The following ADAMTS3 variants were observed in gnomAD, a reference collection of about 807,000 sequenced individuals.
ADAMTS3 encodes the protein ADAM metallopeptidase with thrombospondin type 1 motif 3.
Under a neutral mutation model 129.0 loss-of-function variants are expected in ADAMTS3, and 73 were observed. The observed-to-expected ratio is 0.57, with a 90% CI of 0.47 to 0.69. The LOEUF (loss-of-function observed/expected upper bound fraction) is 0.69, where lower values mean the gene tolerates loss of function less well. ADAMTS3 is among the 30% of genes least tolerant of loss of function. The pLI, the probability that ADAMTS3 is intolerant of heterozygous loss-of-function variation, is 0.00. For missense variants in ADAMTS3, 1,457 were observed against 1,514.5 expected (o/e 0.96, Z 0.63); for synonymous variants, 477 against 510.8 (o/e 0.93, Z 0.89).
intron 10 of ADAMTS3, among the ~76,000 whole-genome samples, chr4:72,317,888 C>T (rs1014974381): frequency 1.2e-4 from 18 of 151,670 alleles, no homozygotes; most frequent in Non-Finnish European, 2.1e-4. Context: ...AATTAGCTGG[C>T]GGTGGTGGTG....
intron 3 of ADAMTS3, among the ~76,000 whole-genome samples, chr4:72,542,358 G>T (rs1721355248): frequency 6.6e-6 from 1 of 151,974 alleles, no homozygotes; most frequent in Non-Finnish European, 1.5e-5. Context: ...TAGAGATAGG[G>T]TTTCACCACG....
intron 4 of ADAMTS3, among the ~76,000 whole-genome samples, chr4:72,354,068 G>A (rs895233945): frequency 1.3e-5 from 2 of 151,950 alleles, no homozygotes; most frequent in Non-Finnish European, 2.9e-5. Context: ...TGGATAAGAC[G>A]GGATAAGAGT....
chr4:72,410,824 C>T (rs1383994941), intron 4 of ADAMTS3, among the ~76,000 whole-genome samples: 2 of 151,954 alleles, frequency 1.3e-5, no homozygotes, highest in Non-Finnish European at 2.9e-5. Flanking sequence ...CATTTCCATG[C>T]CCCTAAATCT....
At chr4:72,526,743 T>C (rs1377700907) in intron 3 of ADAMTS3, among the ~76,000 whole-genome samples, 204 of 19,464 alleles carry the variant, frequency 0.01, 2 homozygotes, top group African/African-American at 0.024. Flanking sequence ...CATATATATA[T>C]ATATATATAT....
intron 11 of ADAMTS3, among the ~76,000 whole-genome samples, chr4:72,314,786 A>G (rs933755281): frequency 6.6e-6 from 1 of 152,234 alleles, no homozygotes; most frequent in Non-Finnish European, 1.5e-5. Context: ...ACACTTAAAA[A>G]GACAGGTTTT....
Position 72,440,391 on chromosome 4 carries a change from T to C in ADAMTS3, c.505-25420A>G, listed in dbSNP as rs1021005612. On this transcript the variant is annotated intron_variant, in intron 3 of 21. Transcript: ENST00000286657. ...AGTTTCTCTAAATTTTGGCTTACTG[T>C]CCACAAAGCCAGTAAAGTTGTTGCA... Among the ~76,000 whole-genome samples the C allele has an allele frequency of 8.6e-5, 13 of 151,922 alleles. No individual in the cohort carries two copies. In the South Asian group the frequency reaches 2.7e-3, roughly 32 times the overall value.
rs761319867 is a variant in ADAMTS3 at position 72,290,848 on chromosome 4, C to T, written c.2931+7G>A. Reference sequence around the variant, plus strand: ...TACTTATGCATGCACGGAATTCACACACCTACCTCACTCCAGGGTCCTGTT... The same window carrying T: ...TACTTATGCATGCACGGAATTCACATACCTACCTCACTCCAGGGTCCTGTT... On this transcript the variant is annotated splice_region_variant and intron_variant, in intron 20 of 21. Transcript: ENST00000286657. 6.5e-5 allele frequency: 105 copies of T among 1,613,418 alleles called. No homozygotes were observed. Among genetic ancestry groups the T allele is most frequent in the Non-Finnish European group, 8.5e-5 (100 of 1,179,706 alleles).
chr4:72,387,418 T>TAGA (rs1271345455), intron 4 of ADAMTS3, among the ~76,000 whole-genome samples: 3 of 152,206 alleles, frequency 2.0e-5, no homozygotes, highest in African/African-American at 7.2e-5. Context: ...GTCTCTTACC[T>TAGA]TTATCTTAAA....
At chr4:72,361,252 A>G (rs374092207) in intron 4 of ADAMTS3, among the ~76,000 whole-genome samples, 27 of 152,280 alleles carry the variant, frequency 1.8e-4, no homozygotes, top group African/African-American at 6.3e-4. Context: ...ATCTGTAACA[A>G]TGAAAATTAT....
chr4:72,309,322 A>C, intron 15 of ADAMTS3, 75 bp downstream of exon 15: 1 of 1,473,122 alleles, frequency 6.8e-7, no homozygotes, highest in Non-Finnish European at 9.4e-7. Context: ...AAAATGCTGC[A>C]TTTCTAAAGG....
intron 2 of ADAMTS3, among the ~76,000 whole-genome samples, chr4:72,552,508 A>C (rs1721669626): frequency 6.6e-6 from 1 of 152,184 alleles, no homozygotes. Flanking sequence ...TTCCACAGGC[A>C]CAATTTCGAA....
chr4:72,290,481 G>A (rs1718628032), intron 20 of ADAMTS3, among the ~76,000 whole-genome samples: 1 of 152,126 alleles, frequency 6.6e-6, no homozygotes, highest in African/African-American at 2.4e-5. Flanking sequence ...AAGTTTACTC[G>A]AACTGGGACA....
intron 4 of ADAMTS3, among the ~76,000 whole-genome samples, chr4:72,352,896 C>A (rs185299154): frequency 1.3e-5 from 2 of 151,964 alleles, no homozygotes; most frequent in East Asian, 3.9e-4. Context: ...CTGGGAAATG[C>A]GGTTACTAAG....
intron 2 of ADAMTS3, among the ~76,000 whole-genome samples, chr4:72,555,123 C>T (rs756704965): frequency 4.6e-5 from 7 of 151,840 alleles, no homozygotes; most frequent in Non-Finnish European, 7.4e-5. Flanking sequence ...ATCTTTTTCA[C>T]GTCAGACCTA....
chr4:72,450,692 T>G (rs1289389980), intron 3 of ADAMTS3, among the ~76,000 whole-genome samples: 2 of 151,668 alleles, frequency 1.3e-5, no homozygotes, highest in Non-Finnish European at 2.9e-5. Context: ...ACTGCAAAAG[T>G]GTAGACTCCA....
rs145390847 is a variant in ADAMTS3, at chr4:72,485,181, G to A, written c.504+63297C>T. On this transcript the variant is annotated intron_variant, in intron 3 of 21. Transcript: ENST00000286657. ...AACACTAAAACATGGAACAAGATCC[G>A]TAGTTCAAAGAAATGAAATATTCCA... Among the ~76,000 whole-genome samples, 736 of 152,234 alleles carry A rather than the reference G, an allele frequency of 4.8e-3. 3 individuals carry two copies. The highest frequency in any genetic ancestry group is 0.041 in the Middle Eastern group (12 of 294).
At chr4:72,330,282 GTGCTGGGA>G (rs1429818195) in intron 5 of ADAMTS3, among the ~76,000 whole-genome samples, 2 of 152,076 alleles carry the variant, frequency 1.3e-5, no homozygotes, top group Non-Finnish European at 2.9e-5. Context: ...GCCTCCCAAA[GTGCTGGGA>G]TTGCAGGCAT....
At chr4:72,394,283 G>GAC (rs1721671652) in intron 4 of ADAMTS3, among the ~76,000 whole-genome samples, 1 of 148,974 alleles carries the variant, frequency 6.7e-6, no homozygotes, top group Non-Finnish European at 1.5e-5. Flanking sequence ...AAAAAAAACT[G>GAC]ATGGTGCTGC....
chr4:72,471,849 A>G (rs1038187718), intron 3 of ADAMTS3, among the ~76,000 whole-genome samples: 1 of 152,062 alleles, frequency 6.6e-6, no homozygotes, highest in African/African-American at 2.4e-5. Flanking sequence ...GATAGATATA[A>G]TCTATATAAA....
Sources: gnomAD v4.1 joint callset for allele counts (sites outside exome capture counted in the v4.1 genomes callset) on GRCh38, gnomAD v4.1.1 for gene constraint, MANE v1.5 for transcripts, NCBI Gene and HGNC (gene_info 2026-07-23, HGNC 2026-07-21) for gene names.